The following SRGAP3 variants were observed in gnomAD, a reference collection of about 807,000 sequenced individuals.
SRGAP3 encodes SLIT-ROBO Rho GTPase activating protein 3.
SRGAP3 carries 39 observed loss-of-function variants against 121.1 expected under a neutral mutation model. The observed-to-expected ratio is 0.32, with a 90% CI of 0.25 to 0.42. The LOEUF (loss-of-function observed/expected upper bound fraction) is 0.42. Among genes scored for constraint, SRGAP3 ranks in the 10% least tolerant of loss-of-function variants. SRGAP3 has a pLI of 1.00. For synonymous variants in SRGAP3, 601 were observed against 570.0 expected, an observed-to-expected ratio of 1.05 and a Z score of -0.77; for missense variants, 1,213 against 1,470.6, an observed-to-expected ratio of 0.82 and a Z score of 2.86.
chr3:9,249,513 A>G lies in SRGAP3; in HGVS notation c.-562T>C, dbSNP rs529043247. ...TGCTAAGTCGATGGTCAGGTTGCCA[A>G]AGGGCCGGTCATCTCGCATCCTCCC... On this transcript the variant is annotated 5_prime_UTR_variant, in exon 1 of 22. Transcript: ENST00000383836. The G allele has an allele frequency of 4.1e-6, 1 of 243,586 alleles. No individual in the cohort carries two copies. The highest frequency in any genetic ancestry group is 8.1e-6 in the Non-Finnish European group (1 of 123,522). The allele number at this position is 243,586 out of a possible 1,614,324, so 15.1% of individuals were successfully genotyped here. A position where few individuals can be genotyped will look rare whatever the true frequency, so the allele number is the denominator to read the frequency against.
chr3:9,124,908 G>A lies in SRGAP3; in HGVS notation c.77C>T (p.Thr26Met), dbSNP rs746793277. 29 of 1,614,126 alleles carry A rather than the reference G, an allele frequency of 1.8e-5. No individual in the cohort carries two copies. The highest frequency in any genetic ancestry group is 1.2e-4 in the South Asian group (11 of 91,076). ...ACATTTGAACTGCTCCACCAGCTGC[G>A]TGCGGATCTCTGCGGGCACACAAGG... ...EYEAQIKEIR[T>M]QLVEQFKCLE... is the part of the protein sequence containing the mutation. The change falls in exon 2 of 22, where the codon ACG becomes ATG. Residue 26 changes from threonine to methionine, a missense_variant. This residue lies in a region of SRGAP3 where 793 missense variants were observed against 1,032.9 expected (regional missense o/e 0.77). Coordinates refer to ENST00000383836, the MANE Select transcript of SRGAP3 (RefSeq NM_014850.4).
chr3:9,269,958 G>A (rs1286998012), intron 3 of SRGAP3, among the ~76,000 whole-genome samples: 2 of 152,046 alleles, frequency 1.3e-5, no homozygotes, highest in East Asian at 1.9e-4. Context: ...ATAAGGAAAC[G>A]GTTCTCAAAT....
intron 1 of SRGAP3, among the ~76,000 whole-genome samples, chr3:9,358,719 T>C (rs1437596275): frequency 6.6e-6 from 1 of 152,214 alleles, no homozygotes; most frequent in African/African-American, 2.4e-5. Flanking sequence ...GGGGTTTCCA[T>C]GACCCCCTCT....
intron 1 of SRGAP3, among the ~76,000 whole-genome samples, chr3:9,225,559 T>C (rs1952958025): frequency 6.6e-6 from 1 of 152,148 alleles, no homozygotes. Flanking sequence ...ACAGGTACTT[T>C]TTAAAAGCAG....
rs560013106 is a variant in SRGAP3, at chr3:8,985,056, C to G, written c.*463G>C. 1.7e-4 allele frequency: 39 copies of G among 229,730 alleles called. No individual in the cohort carries two copies. The highest frequency in any genetic ancestry group is 8.7e-4 in the African/African-American group (39 of 44,594). The allele number at this position is 229,730 out of a possible 1,614,324, so 14.2% of individuals were successfully genotyped here. On this transcript the variant is annotated 3_prime_UTR_variant, in exon 22 of 22. Coordinates refer to ENST00000383836, the MANE Select transcript of SRGAP3 (RefSeq NM_014850.4). The surrounding 1 kb of genome is among the most constrained non-coding windows in gnomAD (Gnocchi z 5.1). ...GGAGATACTATATACACTTAGTATGCGTGTGTCCAGATCTAGTATATGTAT... is the reference window on the plus strand; with the variant it reads ...GGAGATACTATATACACTTAGTATGGGTGTGTCCAGATCTAGTATATGTAT...
At position 9,060,116 on chromosome 3, in the gene SRGAP3, C is replaced by T. The variant is rs1946066923; in HGVS notation, c.801+115G>A. 6.5e-6 allele frequency: 10 copies of T among 1,532,102 alleles called. No individual in the cohort carries two copies. The East Asian group carries it at 1.8e-4, about 28-fold the overall frequency. 94.9% of individuals were successfully genotyped at this position (1,532,102 alleles called of 1,614,324 possible). ...TCCCCTCCAGCAGGGCTCAAAAGAG[C>T]TGTGGCTACCCGAGAATGTCAGGTA... On this transcript the variant is annotated intron_variant, in intron 6 of 21. Coordinates refer to ENST00000383836, the MANE Select transcript of SRGAP3 (RefSeq NM_014850.4).
intron 1 of SRGAP3, among the ~76,000 whole-genome samples, chr3:9,131,163 G>C (rs1419448601): frequency 6.6e-6 from 1 of 152,210 alleles, no homozygotes; most frequent in Non-Finnish European, 1.5e-5. Context: ...ATTTCAAAGA[G>C]AGAAAAATAA....
chr3:9,120,592 C>T (rs1009894405), intron 2 of SRGAP3, among the ~76,000 whole-genome samples: 2 of 152,222 alleles, frequency 1.3e-5, no homozygotes, highest in African/African-American at 4.8e-5. Flanking sequence ...GGTTTTCATG[C>T]TCGACAGCTC....
intron 1 of SRGAP3, among the ~76,000 whole-genome samples, chr3:9,132,722 T>C (rs1236683456): frequency 6.6e-6 from 1 of 152,170 alleles, no homozygotes; most frequent in East Asian, 1.9e-4. Context: ...TGTATGCAGG[T>C]TTTTGTGTGG....
intron 1 of SRGAP3, among the ~76,000 whole-genome samples, chr3:9,238,871 A>G (rs1953518535): frequency 1.3e-5 from 2 of 152,222 alleles, no homozygotes. Context: ...AGGGGGACAC[A>G]TGAGGAACAA....
chr3:9,056,337 G>T lies in SRGAP3; in HGVS notation c.1024-3C>A. 6.2e-7 allele frequency: 1 copy of T among 1,612,068 alleles called. No individual in the cohort carries two copies. Reference sequence around the variant, plus strand: ...TGCTGAGCGCTGACCTGGCAGACCTGCAGGAATAACAGCCACCATCTGTGG... The same window carrying T: ...TGCTGAGCGCTGACCTGGCAGACCTTCAGGAATAACAGCCACCATCTGTGG... On this transcript the variant is annotated splice_polypyrimidine_tract_variant and splice_region_variant and intron_variant, in intron 7 of 21. Transcript: ENST00000383836.
chr3:9,195,350 C>T (rs1195028004), intron 1 of SRGAP3, among the ~76,000 whole-genome samples: 2 of 152,314 alleles, frequency 1.3e-5, no homozygotes, highest in South Asian at 4.1e-4. Flanking sequence ...ACCACAAGCT[C>T]GTAAGGGTCA....
At chr3:9,268,339 C>A (rs1954407387) in intron 3 of SRGAP3, among the ~76,000 whole-genome samples, 1 of 149,714 alleles carries the variant, frequency 6.7e-6, no homozygotes, top group African/African-American at 2.5e-5. Context: ...TCTCTCTCTT[C>A]CCCCCTCTCT....
intron 1 of SRGAP3, among the ~76,000 whole-genome samples, chr3:9,126,224 T>C (rs1949220803): frequency 6.6e-6 from 1 of 152,158 alleles, no homozygotes; most frequent in African/African-American, 2.4e-5. Flanking sequence ...CTCACAATGG[T>C]CCTGTTCTCT....
chr3:9,348,772 G>A, intron 1 of SRGAP3: 1 of 1,367,992 alleles, frequency 7.3e-7, no homozygotes, highest in Non-Finnish European at 1.0e-6. Flanking sequence ...GTGAGGCCCA[G>A]GTGAAGATCT....
chr3:9,055,815 G>A (rs1945792525), intron 8 of SRGAP3, among the ~76,000 whole-genome samples: 1 of 152,114 alleles, frequency 6.6e-6, no homozygotes, highest in African/African-American at 2.4e-5. Flanking sequence ...TCTATGCCTA[G>A]GAATATACAT....
intron 1 of SRGAP3, among the ~76,000 whole-genome samples, chr3:9,138,696 G>A (rs1286027960): frequency 6.6e-6 from 1 of 152,162 alleles, no homozygotes; most frequent in African/African-American, 2.4e-5. Flanking sequence ...AATCCCACAC[G>A]TGACCTCACA....
At chr3:8,997,317 G>A (rs928918666) in intron 18 of SRGAP3, among the ~76,000 whole-genome samples, 12 of 151,996 alleles carry the variant, frequency 7.9e-5, no homozygotes, top group African/African-American at 2.2e-4. Flanking sequence ...ATCCATTAGC[G>A]ACTCCTTCAG....
At chr3:9,024,160 T>C (rs1226626986) in intron 14 of SRGAP3, among the ~76,000 whole-genome samples, 1 of 152,110 alleles carries the variant, frequency 6.6e-6, no homozygotes, top group Non-Finnish European at 1.5e-5. Context: ...TGTTATGTAC[T>C]GCAAGTAAAG....
Sources: allele counts gnomAD v4.1 joint callset (sites outside exome capture counted in the v4.1 genomes callset), GRCh38; gene constraint gnomAD v4.1.1; regional missense constraint gnomAD v4.1.1; non-coding constraint Gnocchi (gnomAD v3.1); transcripts MANE v1.5; gene names NCBI Gene and HGNC (gene_info 2026-07-23, HGNC 2026-07-21).